Variants in CFAP61 observed in about 807,000 individuals in gnomAD.
The protein encoded by CFAP61 is cilia- and flagella-associated protein 61.
Under a neutral mutation model 135.6 loss-of-function variants are expected in CFAP61, and 107 were observed. The observed-to-expected ratio is 0.79, with a 90% CI of 0.67 to 0.93. The LOEUF is 0.93. Ranked by LOEUF, CFAP61 falls within the 40% of genes least tolerant of loss-of-function variation. CFAP61 has a pLI of 0.00. For missense variants in CFAP61, 1,507 were observed against 1,556.2 expected (o/e 0.97, Z 0.53); for synonymous variants, 575 against 578.5 (o/e 0.99, Z 0.09).
chr20:20,112,335 A>G (rs1050592712), intron 8 of CFAP61, among the ~76,000 whole-genome samples: 2 of 152,206 alleles, frequency 1.3e-5, no homozygotes, highest in African/African-American at 2.4e-5. Flanking sequence ...AAATATTTAT[A>G]TTCATAACAT....
intron 18 of CFAP61, among the ~76,000 whole-genome samples, chr20:20,245,117 T>A (rs531247280): frequency 6.6e-6 from 1 of 152,116 alleles, no homozygotes; most frequent in South Asian, 2.1e-4. Flanking sequence ...CTTTCCCACA[T>A]TTTCTCATCT....
intron 25 of CFAP61, chr20:20,317,092 G>A (rs1455099306): frequency 6.6e-6 from 1 of 151,848 alleles, no homozygotes; most frequent in Non-Finnish European, 1.5e-5. Context: ...GGTCGGACTA[G>A]TCTTGAACTC....
intron 25 of CFAP61, among the ~76,000 whole-genome samples, chr20:20,308,117 G>A (rs935650116): frequency 3.9e-5 from 6 of 152,164 alleles, no homozygotes; most frequent in African/African-American, 7.2e-5. Context: ...GACAAGTGGC[G>A]ACCATATCAG....
At chr20:20,226,100 G>A (rs529635416) in intron 17 of CFAP61, 4 of 152,314 alleles carry the variant, frequency 2.6e-5, no homozygotes, top group South Asian at 4.1e-4. Flanking sequence ...AACAATCAAG[G>A]AAGTGCAGTG....
chr20:20,246,633 C>T (rs749336252), intron 19 of CFAP61, among the ~76,000 whole-genome samples: 42 of 152,340 alleles, frequency 2.8e-4, no homozygotes, highest in Non-Finnish European at 2.8e-4. Flanking sequence ...ACTTCCATGC[C>T]AGTCTGGGTG....
At chr20:20,134,836 G>C (rs970010526) in intron 8 of CFAP61, among the ~76,000 whole-genome samples, 1 of 152,178 alleles carries the variant, frequency 6.6e-6, no homozygotes, top group African/African-American at 2.4e-5. Context: ...GACAGGTAGA[G>C]AGTTTGACTT....
chr20:20,236,944 T>A (rs1016049712), intron 18 of CFAP61, among the ~76,000 whole-genome samples: 2 of 152,252 alleles, frequency 1.3e-5, no homozygotes, highest in Non-Finnish European at 2.9e-5. Context: ...TATAAATGTA[T>A]AATGTTTTTA....
intron 25 of CFAP61, among the ~76,000 whole-genome samples, chr20:20,310,397 C>T (rs2056750246): frequency 6.6e-6 from 1 of 152,158 alleles, no homozygotes; most frequent in Non-Finnish European, 1.5e-5. Context: ...TCAAAAGAAA[C>T]TACAGAATGC....
At chr20:20,108,572 A>G (rs1393298483) in intron 8 of CFAP61, among the ~76,000 whole-genome samples, 3 of 152,206 alleles carry the variant, frequency 2.0e-5, no homozygotes, top group Non-Finnish European at 4.4e-5. Flanking sequence ...AAAGTCACCT[A>G]ATAAAACACA....
At chr20:20,269,237 ATACACG>A (rs1462597613) in intron 21 of CFAP61, among the ~76,000 whole-genome samples, 3 of 144,906 alleles carry the variant, frequency 2.1e-5, no homozygotes, top group Non-Finnish European at 4.6e-5. Flanking sequence ...ATGTATATAT[ATACACG>A]TATATGTGCA....
chr20:20,122,686 TC>T (rs1481097258), intron 8 of CFAP61, among the ~76,000 whole-genome samples: 1 of 152,248 alleles, frequency 6.6e-6, no homozygotes, highest in Non-Finnish European at 1.5e-5. Flanking sequence ...TTGGGTTGGT[TC>T]CATGATTTTG....
chr20:20,218,689 T>A (rs1808189080), intron 17 of CFAP61, among the ~76,000 whole-genome samples: 1 of 152,210 alleles, frequency 6.6e-6, no homozygotes, highest in African/African-American at 2.4e-5. Context: ...CCCAACCTAA[T>A]GAGAATTCCT....
chr20:20,328,985 C>T (rs1440606265), intron 25 of CFAP61, among the ~76,000 whole-genome samples: 1 of 152,190 alleles, frequency 6.6e-6, no homozygotes, highest in Non-Finnish European at 1.5e-5. Flanking sequence ...CTTACTCTTC[C>T]TACTGCAGTC....
At chr20:20,277,114 G>C (rs147151821) in intron 21 of CFAP61, 52 bp from the exon 22 acceptor site, 2 of 1,399,184 alleles carry the variant, frequency 1.4e-6, no homozygotes, top group African/African-American at 1.4e-5. Context: ...ATTTGACTAA[G>C]GTTTTTTGGT....
chr20:20,120,389 G>A (rs1253282879), intron 8 of CFAP61, among the ~76,000 whole-genome samples: 2 of 151,926 alleles, frequency 1.3e-5, no homozygotes, highest in Non-Finnish European at 2.9e-5. Flanking sequence ...TTTCTTCATT[G>A]ACTCATTGAA....
At chr20:20,308,301 C>A (rs764996781) in intron 25 of CFAP61, among the ~76,000 whole-genome samples, 1 of 152,126 alleles carries the variant, frequency 6.6e-6, no homozygotes, top group Non-Finnish European at 1.5e-5. Context: ...TCTGACCTGC[C>A]GATGTAGCTA....
chr20:20,257,714 A>T (rs973722809), intron 20 of CFAP61, among the ~76,000 whole-genome samples: 7 of 152,176 alleles, frequency 4.6e-5, no homozygotes, highest in Admixed American at 1.3e-4. Flanking sequence ...CAAACAATTT[A>T]AAAATGTAAT....
chr20:20,269,873 TTGAGTCCTGG>T, intron 21 of CFAP61, among the ~76,000 whole-genome samples: 1 of 151,398 alleles, frequency 6.6e-6, no homozygotes, highest in East Asian at 1.9e-4. Context: ...CTCACAGGGT[TTGAGTCCTGG>T]TGACCCACCT....
intron 8 of CFAP61, among the ~76,000 whole-genome samples, chr20:20,104,032 G>A (rs1288046451): frequency 6.6e-6 from 1 of 151,926 alleles, no homozygotes; most frequent in Non-Finnish European, 1.5e-5. Flanking sequence ...ATATACCCAG[G>A]GCCCACCTTA....
Sources: gnomAD v4.1 joint callset for allele counts (sites outside exome capture counted in the v4.1 genomes callset) on GRCh38, gnomAD v4.1.1 for gene constraint, MANE v1.5 for transcripts, NCBI Gene and HGNC (gene_info 2026-07-23, HGNC 2026-07-21) for gene names.